UGT2B15: variants seen among roughly 807,000 people sequenced by gnomAD.
The protein encoded by UGT2B15 is UDP glucuronosyltransferase family 2 member B15.
A neutral mutation model predicts 45.9 loss-of-function variants in UGT2B15; 36 were observed. That is an observed-to-expected ratio of 0.78 (90% CI 0.60 to 1.04). The LOEUF is 1.04. Among genes scored for constraint, UGT2B15 ranks in the 50% least tolerant of loss-of-function variants. UGT2B15 has a pLI of 0.00. For synonymous variants in UGT2B15, 219 were observed against 216.4 expected (o/e 1.01, Z -0.11); for missense variants, 617 against 622.4 (o/e 0.99, Z 0.09).
At chr4:68,658,764 A>G (rs1288605429) in intron 3 of UGT2B15, among the ~76,000 whole-genome samples, 1 of 152,060 alleles carries the variant, frequency 6.6e-6, no homozygotes, top group Non-Finnish European at 1.5e-5. Flanking sequence ...TGGCAACACT[A>G]TCCTTCAACT....
chr4:68,647,551 T>C (rs191668000), intron 5 of UGT2B15, among the ~76,000 whole-genome samples, 168 bp from the exon 6 acceptor site: 24 of 152,216 alleles, frequency 1.6e-4, no homozygotes, highest in African/African-American at 5.8e-4. Flanking sequence ...GAAAGTTTGG[T>C]TTTTAAATTG....
Position 68,646,924 on chromosome 4 carries a change from T to C in UGT2B15, c.*180A>G, listed in dbSNP as rs1391872021. Reference sequence around the variant, plus strand: ...TTTCATAGCTTAAAAATCATTGACATAGAATAATTCAGCTAAAGTACGTAT... The same window carrying C: ...TTTCATAGCTTAAAAATCATTGACACAGAATAATTCAGCTAAAGTACGTAT... On this transcript the variant is annotated 3_prime_UTR_variant, in exon 6 of 6. Transcript: ENST00000338206. The C allele has an allele frequency of 3.9e-6, 3 of 763,818 alleles. No homozygotes were observed. The African/African-American group carries it at 9.5e-5, about 24-fold the overall frequency. The allele number at this position is 763,818 out of a possible 1,614,324, so 47.3% of individuals were successfully genotyped here. A position where few individuals can be genotyped will look rare whatever the true frequency, so the allele number is the denominator to read the frequency against.
At position 68,656,883 on chromosome 4, in the gene UGT2B15, C is replaced by G. The variant is rs182801208; in HGVS notation, c.1006-1701G>C. Among the ~76,000 whole-genome samples, 3 of 152,098 alleles carry G rather than the reference C, an allele frequency of 2.0e-5. No individual in the cohort carries two copies. In the South Asian group the frequency reaches 6.2e-4, roughly 32 times the overall value. ...TGAGATTACCACAGATTACCTTGTA[C>G]TGTGAGAGGATTTTACCTTGGCATG... is the stretch of plus-strand genomic sequence containing the variant. On this transcript the variant is annotated intron_variant, in intron 3 of 5. Coordinates refer to ENST00000338206, the MANE Select transcript of UGT2B15 (RefSeq NM_001076.4).
chr4:68,667,160 T>A, intron 2 of UGT2B15, among the ~76,000 whole-genome samples: 1 of 151,902 alleles, frequency 6.6e-6, no homozygotes, highest in East Asian at 1.9e-4. Flanking sequence ...TTTTTTTTTT[T>A]TTGTTTATTT....
At chr4:68,647,716 T>C (rs1402724195) in intron 5 of UGT2B15, among the ~76,000 whole-genome samples, 7 of 152,018 alleles carry the variant, frequency 4.6e-5, no homozygotes, top group Non-Finnish European at 7.4e-5. Context: ...TTGATCTTTT[T>C]AATTTTTTTT....
At position 68,668,068 on chromosome 4, in the gene UGT2B15, T is replaced by C. The variant is rs147882612; in HGVS notation, c.845A>G (p.His282Arg). 14 of 1,613,952 alleles carry C rather than the reference T, an allele frequency of 8.7e-6. No homozygotes were observed. The highest frequency in any genetic ancestry group is 1.2e-5 in the Non-Finnish European group (14 of 1,179,922). The change falls in exon 2 of 6, where the codon CAC becomes CGC. Residue 282 changes from histidine to arginine, a missense_variant. By Grantham distance (29) the His-to-Arg change is conservative (BLOSUM62 0). Coordinates refer to ENST00000338206, the MANE Select transcript of UGT2B15 (RefSeq NM_001076.4). ...LPNVDFVGGLHCKPAKPLPKE... is the reference protein window; with the variant it reads ...LPNVDFVGGLRCKPAKPLPKE... ...AGGCAGGGGTTTGGCTGGTTTACAG[T>C]GAAGTCCTCCAACAAAATCAACATT...
In UGT2B15 at chr4:68,646,973, G is replaced by C. The variant is rs72551389; in HGVS notation, c.*131C>G. ...ATTAAATCCCTGGAAAATAAATTTTGTCTTAACAAGGTAAGTTGTGAAAAG... is the reference window on the plus strand; with the variant it reads ...ATTAAATCCCTGGAAAATAAATTTTCTCTTAACAAGGTAAGTTGTGAAAAG... On this transcript the variant is annotated 3_prime_UTR_variant, in exon 6 of 6. Transcript: ENST00000338206. The C allele has an allele frequency of 4.5e-5, 61 of 1,365,270 alleles. No individual in the cohort carries two copies. Among genetic ancestry groups the C allele is most frequent in the Non-Finnish European group, 6.1e-5 (61 of 1,004,118 alleles). The allele number at this position is 1,365,270 out of a possible 1,614,324, so 84.6% of individuals were successfully genotyped here. A position where few individuals can be genotyped will look rare whatever the true frequency, so the allele number is the denominator to read the frequency against.
Position 68,670,190 on chromosome 4 carries a change from C to T in UGT2B15, c.429G>A (p.Glu143=). The part of the protein sequence containing the change: ...LNKKLMMKLQ[E]SKFDVILADA... ...CTGCCAGAATGACATCAAACTTTGA[C>T]TCTTGTAGTTTCATCATAAGTTTCT... Residue 143 remains glutamate, a synonymous_variant, in exon 1 of 6, where the codon GAG becomes GAA. Transcript: ENST00000338206. 1 of 1,614,052 alleles carries T rather than the reference C, an allele frequency of 6.2e-7. No individual in the cohort carries two copies. The highest frequency in any genetic ancestry group is 8.5e-7 in the Non-Finnish European group (1 of 1,179,986).
chr4:68,661,091 G>C (rs957165364), intron 3 of UGT2B15, among the ~76,000 whole-genome samples: 3 of 151,940 alleles, frequency 2.0e-5, no homozygotes, highest in Admixed American at 6.6e-5. Context: ...CTTGCCATTA[G>C]AGATCAGATG....
chr4:68,655,297 TAAG>T (rs780334832), intron 3 of UGT2B15, 115 bp from the exon 4 acceptor site: 167 of 1,306,110 alleles, frequency 1.3e-4, no homozygotes, highest in Non-Finnish European at 1.6e-4. Context: ...GATGAAGAAA[TAAG>T]AAGAAGTGAT....
At chr4:68,647,488 T>C (rs1578192209) in intron 5 of UGT2B15, 105 bp from the exon 6 acceptor site, 7 of 1,289,224 alleles carry the variant, frequency 5.4e-6, no homozygotes, top group Non-Finnish European at 7.3e-6. Context: ...TGATTGAAAG[T>C]AAGTGTCACT....
rs182475772 is a variant in UGT2B15 at position 68,653,606 on chromosome 4, T to C, written c.1313+431A>G. Among the ~76,000 whole-genome samples the C allele has an allele frequency of 8.5e-5, 13 of 152,120 alleles. No homozygotes were observed. The East Asian group carries it at 2.3e-3, about 27-fold the overall frequency. ...TATTTAGATTTTAAATTTTAGTGAA[T>C]GTTATGCTATGCAAATTATAATTCA... On this transcript the variant is annotated intron_variant, in intron 5 of 5. Coordinates refer to ENST00000338206, the MANE Select transcript of UGT2B15 (RefSeq NM_001076.4).
chr4:68,660,724 G>A (rs1158515435), intron 3 of UGT2B15, among the ~76,000 whole-genome samples: 6 of 151,944 alleles, frequency 3.9e-5, no homozygotes, highest in Middle Eastern at 3.4e-3. Flanking sequence ...ATGGCGACAC[G>A]TCTTCAAAAT....
Position 68,647,166 on chromosome 4 carries a change from T to C in UGT2B15, c.1531A>G (p.Lys511Glu). ...CVATVIFIIT[K>E]FCLFCFRKLA... ...TTTCGGAAACAAAACAGGCAAAATT[T>C]TGTGATGATAAATATCACAGTTGCC... Residue 511 changes from lysine to glutamate, a missense_variant, in exon 6 of 6, where the codon AAA (lysine) becomes GAA (glutamate). Physicochemically the swap from Lys to Glu is moderately conservative, Grantham distance 56. Coordinates refer to ENST00000338206, the MANE Select transcript of UGT2B15 (RefSeq NM_001076.4). The C allele has an allele frequency of 6.2e-7, 1 of 1,614,000 alleles. No homozygotes were observed. The highest frequency in any genetic ancestry group is 1.7e-5 in the Admixed American group (1 of 60,022).
intron 3 of UGT2B15, among the ~76,000 whole-genome samples, chr4:68,661,922 C>T (rs1732979160): frequency 6.6e-6 from 1 of 152,072 alleles, no homozygotes; most frequent in Admixed American, 6.5e-5. Context: ...CACTACCTAG[C>T]ATTGACAGCC....
Position 68,668,201 on chromosome 4 carries a change from A to T in UGT2B15, c.725-13T>A. 6.2e-7 allele frequency: 1 copy of T among 1,602,690 alleles called. No individual in the cohort carries two copies. On this transcript the variant is annotated splice_polypyrimidine_tract_variant and intron_variant, in intron 1 of 5. Transcript: ENST00000338206. ...GTAGTGGGTCTTCCTGATGGAAAAAAACAAAACAAAACAAAAGGTAGCTAA... is the reference window on the plus strand; with the variant it reads ...GTAGTGGGTCTTCCTGATGGAAAAATACAAAACAAAACAAAAGGTAGCTAA...
intron 2 of UGT2B15, among the ~76,000 whole-genome samples, chr4:68,663,514 T>A (rs1259892564): frequency 2.6e-5 from 4 of 152,142 alleles, no homozygotes; most frequent in Non-Finnish European, 5.9e-5. Flanking sequence ...AATTCTAATT[T>A]TTTTTGTGGT....
Position 68,652,917 on chromosome 4 carries a change from T to C in UGT2B15, c.1313+1120A>G, listed in dbSNP as rs543088997. Among the ~76,000 whole-genome samples the C allele has an allele frequency of 6.5e-4, 99 of 151,980 alleles. 1 individual carries two copies. The South Asian group carries it at 0.02, about 31-fold the overall frequency. On this transcript the variant is annotated intron_variant, in intron 5 of 5. Transcript: ENST00000338206. ...GACCAGTAAGCACATGAAAAGAGGGTTAACATCTTCAGCCATAAGGAAATG... is the reference window on the plus strand; with the variant it reads ...GACCAGTAAGCACATGAAAAGAGGGCTAACATCTTCAGCCATAAGGAAATG...
intron 3 of UGT2B15, among the ~76,000 whole-genome samples, chr4:68,660,192 C>A (rs1379915354): frequency 6.6e-6 from 1 of 151,460 alleles, no homozygotes; most frequent in Non-Finnish European, 1.5e-5. Flanking sequence ...GTATGGTGGG[C>A]TTTCCTTTAG....
Sources: allele counts gnomAD v4.1 joint callset (sites outside exome capture counted in the v4.1 genomes callset), GRCh38; gene constraint gnomAD v4.1.1; transcripts MANE v1.5; gene names NCBI Gene and HGNC (gene_info 2026-07-23, HGNC 2026-07-21).